The following MEIOB variants were observed in gnomAD, a reference collection of about 807,000 sequenced individuals.
MEIOB encodes the protein meiosis-specific with OB domain-containing protein.
A neutral mutation model predicts 53.1 loss-of-function variants in MEIOB; 50 were observed. The ratio of observed to expected loss-of-function variants is 0.94; its 90% CI spans 0.75 to 1.19. The LOEUF (loss-of-function observed/expected upper bound fraction) is 1.19, where lower values mean the gene tolerates loss of function less well. Ranked by LOEUF, MEIOB falls within the 50% of genes most tolerant of loss-of-function variation. The pLI, the probability that MEIOB is intolerant of heterozygous loss-of-function variation, is 0.00. For missense variants in MEIOB, 551 were observed against 550.8 expected, an observed-to-expected ratio of 1.00 and a Z score of 0.00; for synonymous variants, 192 against 182.5, an observed-to-expected ratio of 1.05 and a Z score of -0.42.
chr16:1,867,478 T>TTC (rs1315086615), intron 2 of MEIOB, among the ~76,000 whole-genome samples: 1 of 142,026 alleles, frequency 7.0e-6, no homozygotes, highest in African/African-American at 2.6e-5. Flanking sequence ...TTTTTTTTTT[T>TTC]TTTTTTTTTT....
At chr16:1,871,441 G>A (rs1266094231) in intron 1 of MEIOB, among the ~76,000 whole-genome samples, 4 of 125,912 alleles carry the variant, frequency 3.2e-5, no homozygotes, top group Non-Finnish European at 5.0e-5. Context: ...GGATGGTCTC[G>A]ATCTCCTGAC....
chr16:1,862,172 GC>G (rs1899460589), intron 3 of MEIOB, 56 bp from the exon 4 acceptor site: 1 of 1,418,960 alleles, frequency 7.0e-7, no homozygotes. Flanking sequence ...TCGCTTCTCT[GC>G]CTTTTGATAA....
At chr16:1,842,065 T>C in intron 10 of MEIOB, 92 bp from the exon 11 acceptor site, 1 of 849,786 alleles carries the variant, frequency 1.2e-6, no homozygotes, top group Non-Finnish European at 1.6e-6. Flanking sequence ...AATGAGAACA[T>C]GCAGTAGCTT....
At chr16:1,856,383 A>AGG (rs1286255989) in intron 6 of MEIOB, among the ~76,000 whole-genome samples, 1 of 145,224 alleles carries the variant, frequency 6.9e-6, no homozygotes, top group African/African-American at 2.6e-5. Context: ...GCAGTGGCGC[A>AGG]ATCTTGGCTC....
intron 9 of MEIOB, among the ~76,000 whole-genome samples, chr16:1,851,656 A>G (rs955294515): frequency 6.6e-6 from 1 of 152,170 alleles, no homozygotes; most frequent in Non-Finnish European, 1.5e-5. Flanking sequence ...GATGTGCAAG[A>G]TTCAGAGTAC....
chr16:1,856,391 C>T (rs1487797223), intron 6 of MEIOB, among the ~76,000 whole-genome samples: 2 of 151,882 alleles, frequency 1.3e-5, no homozygotes, highest in Non-Finnish European at 2.9e-5. Flanking sequence ...GCAATCTTGG[C>T]TCACTGCAAG....
intron 2 of MEIOB, among the ~76,000 whole-genome samples, chr16:1,867,125 T>C (rs1471256733): frequency 6.6e-6 from 1 of 152,184 alleles, no homozygotes; most frequent in Non-Finnish European, 1.5e-5. Context: ...TGTAAATGTA[T>C]CCCATTGTAA....
chr16:1,838,690 T>C (rs892184509), intron 12 of MEIOB, among the ~76,000 whole-genome samples: 1 of 152,062 alleles, frequency 6.6e-6, no homozygotes, highest in Non-Finnish European at 1.5e-5. Flanking sequence ...CTTAGTGTTT[T>C]GTTTTTTTTT....
chr16:1,837,115 G>A lies in MEIOB; in HGVS notation c.1305+669C>T, dbSNP rs145589789. Among the ~76,000 whole-genome samples, 424 of 152,108 alleles carry A rather than the reference G, an allele frequency of 2.8e-3. 1 individual carries two copies. Among genetic ancestry groups the A allele is most frequent in the Non-Finnish European group, 4.3e-3 (293 of 67,982 alleles). ...TCTGACACCTTGAACACAAAGACTC[G>A]AGGATCCTCCAACACTGAAGTGCCT... is the stretch of plus-strand genomic sequence containing the variant. On this transcript the variant is annotated intron_variant, in intron 13 of 13. Coordinates refer to ENST00000325962, the MANE Select transcript of MEIOB (RefSeq NM_001163560.3).
intron 13 of MEIOB, among the ~76,000 whole-genome samples, chr16:1,836,754 T>C (rs1206470632): frequency 6.8e-6 from 1 of 147,196 alleles, no homozygotes; most frequent in Non-Finnish European, 1.5e-5. Context: ...TGAAAACTAA[T>C]TTCATAATAA....
intron 9 of MEIOB, among the ~76,000 whole-genome samples, chr16:1,846,040 G>A (rs576437354): frequency 3.9e-5 from 6 of 152,270 alleles, no homozygotes; most frequent in South Asian, 4.1e-4. Context: ...AGTGTCCCAC[G>A]TGATGACTAT....
At chr16:1,838,493 G>T (rs1358299566) in intron 12 of MEIOB, among the ~76,000 whole-genome samples, 1 of 152,172 alleles carries the variant, frequency 6.6e-6, no homozygotes, top group Admixed American at 6.6e-5. Flanking sequence ...AAATGCACAT[G>T]CTAATCCCTA....
At chr16:1,855,580 T>C (rs1899280242) in intron 6 of MEIOB, among the ~76,000 whole-genome samples, 1 of 152,256 alleles carries the variant, frequency 6.6e-6, no homozygotes, top group African/African-American at 2.4e-5. Flanking sequence ...CGCAGTTTCC[T>C]GCTTATACTA....
At chr16:1,840,551 T>TA (rs1898877631) in intron 11 of MEIOB, among the ~76,000 whole-genome samples, 2 of 142,928 alleles carry the variant, frequency 1.4e-5, no homozygotes. Flanking sequence ...ATTATTATTT[T>TA]TTTTTTTTTT....
intron 3 of MEIOB, among the ~76,000 whole-genome samples, chr16:1,863,016 G>T (rs1481768643): frequency 6.6e-6 from 1 of 151,528 alleles, no homozygotes. Flanking sequence ...ATCACTTGAG[G>T]CCTGGAGTTC....
chr16:1,851,446 T>C lies in MEIOB; in HGVS notation c.778+1593A>G, dbSNP rs529581617. Among the ~76,000 whole-genome samples the C allele has an allele frequency of 2.0e-5, 3 of 152,328 alleles. No homozygotes were observed. The East Asian group carries it at 5.8e-4, about 29-fold the overall frequency. ...TTTCATAATTCACGGACATATTATC[T>C]TCATTATTTATTCTCTGTCTCTCCC... On this transcript the variant is annotated intron_variant, in intron 9 of 13. Coordinates refer to ENST00000325962, the MANE Select transcript of MEIOB (RefSeq NM_001163560.3).
chr16:1,852,954 A>G (rs1899208252), intron 9 of MEIOB, 85 bp downstream of exon 9: 1 of 859,790 alleles, frequency 1.2e-6, no homozygotes. Flanking sequence ...TCCAGGCTGA[A>G]TTTTCATTCT....
At chr16:1,840,964 C>G (rs1310267395) in intron 11 of MEIOB, 1 of 148,928 alleles carries the variant, frequency 6.7e-6, no homozygotes, top group Non-Finnish European at 1.5e-5. Context: ...TGCCAAGCAT[C>G]TTTTAGCTAA....
intron 9 of MEIOB, among the ~76,000 whole-genome samples, chr16:1,852,254 C>CTTTTT (rs56066518): frequency 3.2e-5 from 3 of 94,014 alleles, no homozygotes; most frequent in African/African-American, 4.2e-5. Flanking sequence ...TGGTTTTTCA[C>CTTTTT]TTTTTTTTTT....
Sources: allele counts gnomAD v4.1 joint callset (sites outside exome capture counted in the v4.1 genomes callset), GRCh38; gene constraint gnomAD v4.1.1; transcripts MANE v1.5; gene names NCBI Gene and HGNC (gene_info 2026-07-23, HGNC 2026-07-21).